Variants in CADM2 observed in about 807,000 individuals in gnomAD.
CADM2 encodes the protein immunoglobulin superfamily member 4D.
In CADM2, 12 loss-of-function variants were observed where a neutral mutation model predicts 49.8. The observed-to-expected ratio is 0.24, with a 90% confidence interval of 0.15 to 0.39. The LOEUF (loss-of-function observed/expected upper bound fraction) is 0.39. Among genes scored for constraint, CADM2 ranks in the 10% least tolerant of loss-of-function variants. CADM2 has a pLI of 1.00. For synonymous variants in CADM2, 214 were observed against 175.4 expected (o/e 1.22, Z -1.74); for missense variants, 378 against 492.3 (o/e 0.77, Z 2.20).
intron 1 of CADM2, among the ~76,000 whole-genome samples, chr3:85,724,958 C>A (rs2067637649): frequency 6.6e-6 from 1 of 151,626 alleles, no homozygotes; most frequent in East Asian, 1.9e-4. Context: ...ATTATTGCAT[C>A]ATAAGTAGTA....
At chr3:85,529,287 C>CAGTT (rs2061242065) in intron 1 of CADM2, among the ~76,000 whole-genome samples, 1 of 152,164 alleles carries the variant, frequency 6.6e-6, no homozygotes, top group Non-Finnish European at 1.5e-5. Flanking sequence ...AGTACACCTG[C>CAGTT]AGTTATCCCT....
At chr3:85,796,790 T>C (rs888627309) in intron 2 of CADM2, among the ~76,000 whole-genome samples, 4 of 152,074 alleles carry the variant, frequency 2.6e-5, no homozygotes, top group African/African-American at 9.7e-5. Context: ...AGCCTGTATT[T>C]GCACAATAAG....
intron 1 of CADM2, among the ~76,000 whole-genome samples, chr3:85,440,485 G>A (rs1034119340): frequency 1.3e-5 from 2 of 152,174 alleles, no homozygotes; most frequent in African/African-American, 2.4e-5. Flanking sequence ...AGACAGTTAC[G>A]TGTAACAAAT....
At chr3:84,982,056 G>A (rs1411124406) in intron 1 of CADM2, among the ~76,000 whole-genome samples, 1 of 152,098 alleles carries the variant, frequency 6.6e-6, no homozygotes, top group Non-Finnish European at 1.5e-5. Flanking sequence ...TGCCAGCCTG[G>A]TTCTTTGAGC....
intron 1 of CADM2, among the ~76,000 whole-genome samples, chr3:85,118,595 C>G (rs1266436831): frequency 6.6e-6 from 1 of 152,142 alleles, no homozygotes; most frequent in East Asian, 1.9e-4. Flanking sequence ...CCTCATGACT[C>G]AATTACCTCC....
chr3:85,384,856 G>T (rs1336076913), intron 1 of CADM2, among the ~76,000 whole-genome samples: 1 of 151,998 alleles, frequency 6.6e-6, no homozygotes, highest in African/African-American at 2.4e-5. Flanking sequence ...AAAAAAGAAA[G>T]ATTATATACC....
At chr3:86,021,503 A>G (rs1431134258) in intron 8 of CADM2, among the ~76,000 whole-genome samples, 4 of 152,148 alleles carry the variant, frequency 2.6e-5, no homozygotes, top group Admixed American at 2.6e-4. Context: ...ATCATTTCTC[A>G]TATCTACAAA....
intron 2 of CADM2, among the ~76,000 whole-genome samples, chr3:85,788,246 G>A (rs996927235): frequency 6.6e-6 from 1 of 151,934 alleles, no homozygotes; most frequent in Admixed American, 6.6e-5. Flanking sequence ...AAATGTAAAA[G>A]CAATTTCAGG....
intron 3 of CADM2, among the ~76,000 whole-genome samples, chr3:85,820,996 T>A (rs2073521894): frequency 6.6e-6 from 1 of 152,222 alleles, no homozygotes; most frequent in African/African-American, 2.4e-5. Flanking sequence ...GCGATAAAAC[T>A]ACGTTGGCTA....
chr3:85,365,997 T>A (rs934334328), intron 1 of CADM2, among the ~76,000 whole-genome samples: 29 of 152,182 alleles, frequency 1.9e-4, no homozygotes, highest in African/African-American at 6.8e-4. Flanking sequence ...ACTTCCCAAC[T>A]ACTCCTTAGC....
chr3:85,211,505 A>G (rs977638095), intron 1 of CADM2, among the ~76,000 whole-genome samples: 5 of 152,096 alleles, frequency 3.3e-5, no homozygotes, highest in Admixed American at 1.3e-4. Context: ...CATTTGTTCA[A>G]GAAATCTTAA....
At chr3:85,557,239 A>G (rs1332489113) in intron 1 of CADM2, among the ~76,000 whole-genome samples, 1 of 152,038 alleles carries the variant, frequency 6.6e-6, no homozygotes, top group Non-Finnish European at 1.5e-5. Flanking sequence ...ATACACATAT[A>G]TTTATGTGTA....
At position 85,886,258 on chromosome 3, in the gene CADM2, A is replaced by G. The variant is rs749713107; in HGVS notation, c.460A>G (p.Thr154Ala). The change falls in exon 5 of 10, where the codon ACT (threonine) becomes GCT (alanine). Residue 154 changes from threonine to alanine, a missense_variant. Physicochemically the swap from Thr to Ala is moderately conservative, Grantham distance 58. Coordinates refer to ENST00000383699, the MANE Select transcript of CADM2 (RefSeq NM_001167675.2). Reference protein sequence around the residue: ...PVMEGDLMQLTCKTSGSKPAA... With the variant: ...PVMEGDLMQLACKTSGSKPAA... Reference sequence around the variant, plus strand: ...TATGGAGGGTGACTTGATGCAGCTGACTTGCAAAACATCTGGTAGTAAACC... The same window carrying G: ...TATGGAGGGTGACTTGATGCAGCTGGCTTGCAAAACATCTGGTAGTAAACC... 1.9e-6 allele frequency: 3 copies of G among 1,613,990 alleles called. No homozygotes were observed. The highest frequency in any genetic ancestry group is 2.5e-6 in the Non-Finnish European group (3 of 1,179,938).
intron 1 of CADM2, among the ~76,000 whole-genome samples, chr3:85,220,062 T>C (rs1408292410): frequency 6.6e-6 from 1 of 152,156 alleles, no homozygotes; most frequent in East Asian, 1.9e-4. Context: ...TAATGGGTTT[T>C]TAATATGTGC....
chr3:86,029,637 T>G (rs1734322881), intron 8 of CADM2, among the ~76,000 whole-genome samples: 1 of 151,926 alleles, frequency 6.6e-6, no homozygotes, highest in South Asian at 2.1e-4. Flanking sequence ...GCATAAAAGC[T>G]AAGAAGATAA....
chr3:85,901,887 A>T (rs941581615), intron 5 of CADM2, among the ~76,000 whole-genome samples: 2 of 151,606 alleles, frequency 1.3e-5, no homozygotes, highest in African/African-American at 4.9e-5. Context: ...ATCTACAAAA[A>T]TATATATTAT....
chr3:85,505,372 G>A (rs2107674029), intron 1 of CADM2, among the ~76,000 whole-genome samples: 1 of 152,320 alleles, frequency 6.6e-6, no homozygotes, highest in African/African-American at 2.4e-5. Flanking sequence ...CTGGGGTGTA[G>A]CCAAAAACTG....
In CADM2 at chr3:86,070,351, T is replaced by A. The variant is rs1310812759; in HGVS notation, c.*3568T>A. 1 of 152,006 alleles carries A rather than the reference T, an allele frequency of 6.6e-6. No homozygotes were observed. Among genetic ancestry groups the A allele is most frequent in the African/African-American group, 2.4e-5 (1 of 41,442 alleles). 9.4% of individuals were successfully genotyped at this position (152,006 alleles called of 1,614,324 possible). ...ATAGCAGCTGTTTGACAGTGATGGC[T>A]CTTCCATGTAACATAGCAGTTATCG... On this transcript the variant is annotated 3_prime_UTR_variant, in exon 10 of 10. Transcript: ENST00000383699.
intron 1 of CADM2, among the ~76,000 whole-genome samples, chr3:85,647,589 A>AAG (rs2064925466): frequency 6.6e-6 from 1 of 151,804 alleles, no homozygotes; most frequent in South Asian, 2.1e-4. Context: ...ATATTTGAGG[A>AAG]CACACTTTAT....
Sources: allele counts gnomAD v4.1 joint callset (sites outside exome capture counted in the v4.1 genomes callset), GRCh38; gene constraint gnomAD v4.1.1; transcripts MANE v1.5; gene names NCBI Gene and HGNC (gene_info 2026-07-23, HGNC 2026-07-21).